Variants in FBXW12 observed in about 807,000 individuals in gnomAD.
FBXW12 encodes the protein F-box/WD repeat-containing protein 12.
In FBXW12, 43 loss-of-function variants were observed where a neutral mutation model predicts 55.3. That is an observed-to-expected ratio of 0.78 (90% confidence interval 0.61 to 1.00). The LOEUF is 1.00. Ranked by LOEUF, FBXW12 falls within the 50% of genes least tolerant of loss-of-function variation. FBXW12 has a pLI of 0.00. For synonymous variants in FBXW12, 184 were observed against 203.8 expected, an observed-to-expected ratio of 0.90 and a Z score of 0.83; for missense variants, 524 against 560.5, an observed-to-expected ratio of 0.93 and a Z score of 0.66.
chr3:48,378,121 T>C (rs1018003617), intron 5 of FBXW12, among the ~76,000 whole-genome samples, 196 bp from the exon 6 acceptor site: 13 of 152,192 alleles, frequency 8.5e-5, no homozygotes, highest in African/African-American at 2.7e-4. Flanking sequence ...CAAGTTCTTG[T>C]CTCGGAGCAT....
chr3:48,375,770 G>GTCCCC (rs1168130898), intron 5 of FBXW12, among the ~76,000 whole-genome samples: 1 of 151,994 alleles, frequency 6.6e-6, no homozygotes, highest in African/African-American at 2.4e-5. Flanking sequence ...CGCCTCCAGG[G>GTCCCC]TTCACGCCAT....
intron 10 of FBXW12, among the ~76,000 whole-genome samples, chr3:48,391,223 C>A (rs2036921561): frequency 6.6e-6 from 1 of 150,940 alleles, no homozygotes; most frequent in Middle Eastern, 3.4e-3. Flanking sequence ...GTTGAGGCTG[C>A]AATGGGCCAT....
chr3:48,386,559 A>G (rs1298762469), intron 10 of FBXW12, among the ~76,000 whole-genome samples: 2 of 152,200 alleles, frequency 1.3e-5, no homozygotes, highest in African/African-American at 4.8e-5. Flanking sequence ...GATTGCATTG[A>G]ATCTGTAGAT....
chr3:48,378,264 A>G, intron 5 of FBXW12, 53 bp from the exon 6 acceptor site: 2 of 1,354,270 alleles, frequency 1.5e-6, no homozygotes, highest in Non-Finnish European at 2.1e-6. Flanking sequence ...GAATGAAAGC[A>G]CAGTAGGTGT....
At chr3:48,381,274 G>A (rs1010034920) in intron 8 of FBXW12, among the ~76,000 whole-genome samples, 6 of 151,912 alleles carry the variant, frequency 3.9e-5, no homozygotes, top group Admixed American at 6.6e-5. Flanking sequence ...CGCCTGCCTC[G>A]GCCTCCCAAA....
chr3:48,372,418 C>A, intron 1 of FBXW12, 98 bp downstream of exon 1: 3 of 1,409,340 alleles, frequency 2.1e-6, no homozygotes, highest in South Asian at 1.3e-5. Flanking sequence ...TGAGTGCACT[C>A]GGTGACATTT....
chr3:48,379,650 A>T, intron 7 of FBXW12, 92 bp downstream of exon 7: 1 of 1,015,404 alleles, frequency 9.8e-7, no homozygotes, highest in Non-Finnish European at 1.5e-6. Context: ...AGGACCAGGC[A>T]CACTGCTCCT....
chr3:48,391,355 C>CATACACACAT lies in FBXW12; in HGVS notation c.1296-3202_1296-3201insCACACATATA, dbSNP rs2036926360. Reference sequence around the variant, plus strand: ...ACACACACACACACACACACACACACATATATATATAAAATCAATCATATT... The same window carrying CATACACACAT: ...ACACACACACACACACACACACACACATACACACATATATATATATAAAATCAATCATATT... On this transcript the variant is annotated intron_variant, in intron 10 of 10. Transcript: ENST00000296438. 3.5e-5 allele frequency among the ~76,000 whole-genome samples: 5 copies of CATACACACAT among 141,628 alleles called. No homozygotes were observed. The South Asian group carries it at 1.1e-3, about 32-fold the overall frequency. 92.9% of individuals were successfully genotyped at this position (141,628 alleles called of 152,430 possible). A position where few individuals can be genotyped will look rare whatever the true frequency, so the allele number is the denominator to read the frequency against.
In FBXW12 at chr3:48,372,703, G is replaced by T; in HGVS notation, c.-65G>T. 6.2e-7 allele frequency: 1 copy of T among 1,612,932 alleles called. No individual in the cohort carries two copies. Among genetic ancestry groups the T allele is most frequent in the Non-Finnish European group, 8.5e-7 (1 of 1,179,030 alleles). ...TACAAGTGCTGCAGACTTTGGCAAA[G>T]CCTATAAATTCAGAGCAGCCCGGAG... On this transcript the variant is annotated 5_prime_UTR_variant, in exon 2 of 11. Coordinates refer to ENST00000296438, the MANE Select transcript of FBXW12 (RefSeq NM_207102.2).
rs1234328863 is a variant in FBXW12, at chr3:48,372,862, A to C, written c.90+5A>C. On this transcript the variant is annotated splice_donor_5th_base_variant and intron_variant, in intron 2 of 10. Transcript: ENST00000296438. ...CAGGTTTCCCAGGTGAACAAGGTAA[A>C]GGCCTTCCACCTCCCACTGCCCCCC... is the stretch of plus-strand genomic sequence containing the variant. The C allele has an allele frequency of 6.2e-7, 1 of 1,613,904 alleles. No individual in the cohort carries two copies. The highest frequency in any genetic ancestry group is 8.5e-7 in the Non-Finnish European group (1 of 1,179,818).
At chr3:48,382,196 A>G in intron 10 of FBXW12, 111 bp downstream of exon 10, 5 of 1,199,362 alleles carry the variant, frequency 4.2e-6, no homozygotes, top group Non-Finnish European at 5.9e-6. Flanking sequence ...AACTCACTGC[A>G]ACCTCCGACT....
At chr3:48,377,152 T>C (rs1271981211) in intron 5 of FBXW12, among the ~76,000 whole-genome samples, 3 of 152,206 alleles carry the variant, frequency 2.0e-5, no homozygotes, top group African/African-American at 7.2e-5. Flanking sequence ...ACTGAATCAC[T>C]GGAGGCTGTG....
At chr3:48,388,203 ATCTTGGTGAATGT>A (rs2036873493) in intron 10 of FBXW12, among the ~76,000 whole-genome samples, 1 of 152,140 alleles carries the variant, frequency 6.6e-6, no homozygotes, top group Non-Finnish European at 1.5e-5. Context: ...GATATGCTCT[ATCTTGGTGAATGT>A]TCCATGTGAG....
intron 10 of FBXW12, among the ~76,000 whole-genome samples, chr3:48,388,801 C>T (rs939683883): frequency 3.3e-5 from 5 of 152,150 alleles, no homozygotes; most frequent in Admixed American, 6.5e-5. Context: ...TGCATGTATA[C>T]GCTGAAATGA....
In FBXW12 at chr3:48,372,827, C is replaced by G. The variant is rs142081483; in HGVS notation, c.60C>G (p.Phe20Leu). 6.2e-7 allele frequency: 1 copy of G among 1,614,168 alleles called. No homozygotes were observed. Among genetic ancestry groups the G allele is most frequent in the Non-Finnish European group, 8.5e-7 (1 of 1,180,024 alleles). The part of the protein sequence containing the change: ...LKRIFSFLDL[F>L]GLLQVSQVNK... ...GAATCTTCTCTTTCCTGGACCTGTT[C>G]GGCTTGCTGCAGGTTTCCCAGGTGA... Residue 20 changes from phenylalanine (F) to leucine (L), a missense_variant, in exon 2 of 11, where the codon TTC becomes TTG. Physicochemically the swap from Phe to Leu is conservative, Grantham distance 22. Coordinates refer to ENST00000296438, the MANE Select transcript of FBXW12 (RefSeq NM_207102.2).
At chr3:48,385,560 A>G in intron 10 of FBXW12, among the ~76,000 whole-genome samples, 1 of 152,176 alleles carries the variant, frequency 6.6e-6, no homozygotes, top group East Asian at 1.9e-4. Flanking sequence ...TTGCTGTATC[A>G]TATGATAATC....
At chr3:48,385,543 A>C (rs1424822803) in intron 10 of FBXW12, among the ~76,000 whole-genome samples, 1 of 152,146 alleles carries the variant, frequency 6.6e-6, no homozygotes, top group African/African-American at 2.4e-5. Flanking sequence ...TATACCCAGG[A>C]GTGGGATTGC....
intron 4 of FBXW12, among the ~76,000 whole-genome samples, chr3:48,374,228 G>A (rs1423297011): frequency 6.6e-6 from 1 of 152,034 alleles, no homozygotes; most frequent in Non-Finnish European, 1.5e-5. Flanking sequence ...TGCATACATA[G>A]GCTCTACAGC....
At chr3:48,384,616 CATT>C (rs1326016762) in intron 10 of FBXW12, among the ~76,000 whole-genome samples, 3 of 152,128 alleles carry the variant, frequency 2.0e-5, no homozygotes, top group Non-Finnish European at 4.4e-5. Context: ...GGTCTTTCAC[CATT>C]ATTATTATAT....
Sources: allele counts gnomAD v4.1 joint callset (sites outside exome capture counted in the v4.1 genomes callset), GRCh38; gene constraint gnomAD v4.1.1; transcripts MANE v1.5; gene names NCBI Gene and HGNC (gene_info 2026-07-23, HGNC 2026-07-21).